PSEN2: variants seen among roughly 807,000 people sequenced by gnomAD.
The protein encoded by PSEN2 is presenilin-2.
In PSEN2, 32 loss-of-function variants were observed where a neutral mutation model predicts 49.1. That is an observed-to-expected ratio of 0.65 (90% confidence interval 0.49 to 0.88). The LOEUF (loss-of-function observed/expected upper bound fraction) is 0.88, where lower values mean the gene tolerates loss of function less well. Ranked by LOEUF, PSEN2 falls within the 40% of genes least tolerant of loss-of-function variation. The probability of loss-of-function intolerance (pLI) is 0.00; values close to 1 mark genes in which losing one functional copy is unlikely to be tolerated. For missense variants in PSEN2, 522 were observed against 586.9 expected (o/e 0.89, Z 1.14); for synonymous variants, 255 against 244.0 (o/e 1.05, Z -0.42).
chr1:226,878,882 G>A (rs928327294), intron 3 of PSEN2, among the ~76,000 whole-genome samples: 2 of 152,192 alleles, frequency 1.3e-5, no homozygotes, highest in African/African-American at 4.8e-5. Flanking sequence ...GCAACTCTTT[G>A]TTGTGGTGCC....
chr1:226,885,795 C>T (rs1661324545), intron 6 of PSEN2, 116 bp downstream of exon 6: 17 of 1,327,816 alleles, frequency 1.3e-5, no homozygotes, highest in Non-Finnish European at 1.8e-5. Context: ...AAAATAGACC[C>T]AGATTTTTTG....
chr1:226,880,418 T>G, intron 3 of PSEN2: 1 of 1,068,136 alleles, frequency 9.4e-7, no homozygotes, highest in South Asian at 1.7e-5. Context: ...GTGGGGTGAC[T>G]TACTTGGAGA....
Position 226,902,732 on chromosome 1 carries a change from G to A in PSEN2, c.1192-5790G>A, listed in dbSNP as rs368410974. On this transcript the variant is annotated intron_variant, in intron 12 of 14. Coordinates refer to the PSEN2 transcript ENST00000676945. ...TGTCCACTGAGCCAAGGGTCTGTCA[G>A]TGAGAGCTGGGGAGGCTGGGCTGGC... 3.5e-4 allele frequency among the ~76,000 whole-genome samples: 54 copies of A among 152,286 alleles called. 1 individual carries two copies. Among genetic ancestry groups the A allele is most frequent in the South Asian group, 1.9e-3 (9 of 4,820 alleles).
chr1:226,895,310 C>G (rs1662064370), intron 12 of PSEN2, 114 bp from the exon 13 acceptor site: 1 of 1,219,772 alleles, frequency 8.2e-7, no homozygotes, highest in Admixed American at 1.9e-5. Context: ...GTGTCTAGCG[C>G]CGTTATCCGA....
intron 6 of PSEN2, 80 bp downstream of exon 6, chr1:226,885,759 G>A (rs1661322794): frequency 2.4e-5 from 37 of 1,567,178 alleles, no homozygotes; most frequent in South Asian, 1.5e-4. Flanking sequence ...TGAAACAGCC[G>A]CCTTTAGAAA....
At position 226,895,663 on chromosome 1, in the gene PSEN2, T is replaced by A. The variant is rs1207187585; in HGVS notation, c.*84T>A. Reference sequence around the variant, plus strand: ...TAGTTTTACACTCTAGTGCCATATATTTTTAAGACTTTTCTTTCCTTAAAA... The same window carrying A: ...TAGTTTTACACTCTAGTGCCATATAATTTTAAGACTTTTCTTTCCTTAAAA... On this transcript the variant is annotated 3_prime_UTR_variant, in exon 13 of 13. Coordinates refer to ENST00000366783, the MANE Select transcript of PSEN2 (RefSeq NM_000447.3). 4 of 1,432,584 alleles carry A rather than the reference T, an allele frequency of 2.8e-6. No homozygotes were observed. The African/African-American group carries it at 5.7e-5, about 20-fold the overall frequency. The allele number at this position is 1,432,584 out of a possible 1,614,324, so 88.7% of individuals were successfully genotyped here.
downstream of PSEN2, among the ~76,000 whole-genome samples, chr1:226,896,419 T>C (rs1662151279): frequency 6.6e-6 from 1 of 152,202 alleles, no homozygotes; most frequent in South Asian, 2.1e-4. Flanking sequence ...TCAGCAAGTG[T>C]TCACCCTCTG....
In PSEN2 at chr1:226,888,975, T is replaced by C. The variant is rs1211631545; in HGVS notation, c.713T>C (p.Leu238Pro). Residue 238 changes from leucine (L) to proline (P), a missense_variant, in exon 8 of 13, where the codon CTC (leucine) becomes CCC (proline). Coordinates refer to ENST00000366783, the MANE Select transcript of PSEN2 (RefSeq NM_000447.3). ...GCCTACCTCATCATGATCAGTGCGC[T>C]CATGGCCCTAGTGTTCATCAAGTAC... ...QQAYLIMISA[L>P]MALVFIKYLP... is the part of the protein sequence containing the mutation. 6 of 1,614,034 alleles carry C rather than the reference T, an allele frequency of 3.7e-6. No homozygotes were observed. The highest frequency in any genetic ancestry group is 5.1e-6 in the Non-Finnish European group (6 of 1,180,016).
intron 11 of PSEN2, among the ~76,000 whole-genome samples, chr1:226,892,601 A>G (rs1661834152): frequency 1.3e-5 from 2 of 152,082 alleles, no homozygotes; most frequent in South Asian, 4.1e-4. Flanking sequence ...ACAGGACTCC[A>G]GTGACACGGG....
rs59683545 is a variant in PSEN2 at position 226,883,682 on chromosome 1, C to T, written c.142-23C>T. ...GCTGCCGTGGGGGACATTCTGCGGC[C>T]CTCACGATGTGGTTTCCCACAGAGA... is the stretch of plus-strand genomic sequence containing the variant. On this transcript the variant is annotated intron_variant, in intron 4 of 12. Transcript: ENST00000366783. 9,597 of 1,610,702 alleles carry T rather than the reference C, an allele frequency of 6.0e-3. 185 individuals are homozygous for T. The highest frequency in any genetic ancestry group is 0.054 in the African/African-American group (4,020 of 74,962).
At chr1:226,877,360 C>T (rs1277098226) in intron 3 of PSEN2, among the ~76,000 whole-genome samples, 1 of 152,218 alleles carries the variant, frequency 6.6e-6, no homozygotes, top group African/African-American at 2.4e-5. Flanking sequence ...TTTTGAGCCT[C>T]TGTTTCCTCA....
downstream of PSEN2, chr1:226,898,653 G>A (rs188684684): frequency 2.1e-3 from 324 of 152,020 alleles, 4 homozygotes; most frequent in Middle Eastern, 0.027. Flanking sequence ...TCGCGCTGTC[G>A]CCCAGGCTGG....
At chr1:226,889,813 C>G (rs1475874378) in intron 8 of PSEN2, among the ~76,000 whole-genome samples, 1 of 152,222 alleles carries the variant, frequency 6.6e-6, no homozygotes, top group Non-Finnish European at 1.5e-5. Flanking sequence ...CACCGCGTCT[C>G]GGGTGCACAG....
intron 3 of PSEN2, 64 bp from the exon 4 acceptor site, chr1:226,881,824 T>A: frequency 6.2e-7 from 1 of 1,603,292 alleles, no homozygotes; most frequent in Non-Finnish European, 8.5e-7. Flanking sequence ...AGCCACCCCC[T>A]GAGTCCTCCA....
chr1:226,871,135 C>T (rs1303022653), intron 1 of PSEN2, 127 bp from the exon 2 acceptor site: 1 of 152,252 alleles, frequency 6.6e-6, no homozygotes, highest in Non-Finnish European at 1.5e-5. Context: ...CCTCTAGCAC[C>T]GGGTCCTGGG....
Position 226,888,111 on chromosome 1 carries a change from C to T in PSEN2, c.519C>T (p.Ile173=), listed in dbSNP as rs2102682546. 5 of 1,613,890 alleles carry T rather than the reference C, an allele frequency of 3.1e-6. No homozygotes were observed. Among genetic ancestry groups the T allele is most frequent in the Non-Finnish European group, 1.7e-6 (2 of 1,179,754 alleles). ...RCYKFIHGWL[I]MSSLMLLFLF... ...TCTAGTTCATCCATGGCTGGTTGAT[C>T]ATGTCTTCACTGATGCTGCTGTTCC... Residue 173 remains isoleucine, a synonymous_variant, in exon 7 of 13, where the codon ATC becomes ATT. Coordinates refer to ENST00000366783, the MANE Select transcript of PSEN2 (RefSeq NM_000447.3).
At chr1:226,891,445 C>A in intron 10 of PSEN2, 84 bp downstream of exon 10, 1 of 1,252,812 alleles carries the variant, frequency 8.0e-7, no homozygotes, top group Non-Finnish European at 1.1e-6. Context: ...CCTGGCTTCC[C>A]TGAGAGGCAT....
downstream of PSEN2, among the ~76,000 whole-genome samples, chr1:226,901,211 G>A (rs775539386): frequency 5.3e-5 from 8 of 152,094 alleles, no homozygotes; most frequent in South Asian, 4.1e-4. Flanking sequence ...CGAGGTGGGC[G>A]GGTCACCTGA....
chr1:226,901,754 T>C (rs558701856), intron 12 of PSEN2, among the ~76,000 whole-genome samples: 17 of 152,342 alleles, frequency 1.1e-4, no homozygotes, highest in African/African-American at 4.1e-4. Context: ...CCTATGAGAA[T>C]GACTTTTAAA....
Sources: gnomAD v4.1 joint callset for allele counts (sites outside exome capture counted in the v4.1 genomes callset) on GRCh38, gnomAD v4.1.1 for gene constraint, MANE v1.5 for transcripts, NCBI Gene and HGNC (gene_info 2026-07-23, HGNC 2026-07-21) for gene names.